The following COP1 variants were observed in gnomAD, a reference collection of about 807,000 sequenced individuals.
The protein encoded by COP1 is E3 ubiquitin-protein ligase COP1.
COP1 carries 24 observed loss-of-function variants against 101.3 expected under a neutral mutation model. That is an observed-to-expected ratio of 0.24 (90% confidence interval 0.17 to 0.33). The LOEUF (loss-of-function observed/expected upper bound fraction) is 0.33. Among genes scored for constraint, COP1 ranks in the 10% least tolerant of loss-of-function variants. COP1 has a pLI of 1.00. For synonymous variants in COP1, 347 were observed against 341.9 expected (o/e 1.01, Z -0.17); for missense variants, 663 against 906.2 (o/e 0.73, Z 3.45).
At chr1:176,148,117 T>TA (rs1320740858) in intron 6 of COP1, among the ~76,000 whole-genome samples, 2 of 152,082 alleles carry the variant, frequency 1.3e-5, no homozygotes, top group Non-Finnish European at 2.9e-5. Context: ...CTTAAATTTA[T>TA]AACAGATGTT....
intron 8 of COP1, among the ~76,000 whole-genome samples, chr1:176,122,782 G>C (rs1191538716): frequency 1.3e-5 from 2 of 152,150 alleles, no homozygotes; most frequent in African/African-American, 4.8e-5. Flanking sequence ...CAGCTCATTT[G>C]AAAGTTTTTT....
intron 5 of COP1, among the ~76,000 whole-genome samples, chr1:176,155,411 ACAAACT>A (rs1372315787): frequency 6.6e-6 from 1 of 152,050 alleles, no homozygotes; most frequent in African/African-American, 2.4e-5. Flanking sequence ...GAAAGGAATA[ACAAACT>A]CAAACACAGT....
chr1:175,996,504 G>A (rs542939757), intron 15 of COP1, among the ~76,000 whole-genome samples: 119 of 151,954 alleles, frequency 7.8e-4, no homozygotes, highest in African/African-American at 2.8e-3. Context: ...AAACCCCATC[G>A]TCTCAGCCCA....
At chr1:176,139,319 T>G (rs1214878935) in intron 6 of COP1, among the ~76,000 whole-genome samples, 2 of 149,130 alleles carry the variant, frequency 1.3e-5, no homozygotes, top group East Asian at 1.9e-4. Flanking sequence ...GAGATGCTGG[T>G]GAGGCTGCAG....
chr1:176,134,981 C>A (rs1689562992), intron 8 of COP1, 29 bp downstream of exon 8: 1 of 1,536,678 alleles, frequency 6.5e-7, no homozygotes, highest in African/African-American at 1.4e-5. Context: ...AATATGAATT[C>A]TAATCAATTG....
chr1:176,121,526 T>C lies in COP1; in HGVS notation c.969-4845A>G, dbSNP rs545313555. ...CTTTAAATGTCGTTTTTTATTTTTATGTTTTTAGAGGTACGATCTCACTCT... is the reference window on the plus strand; with the variant it reads ...CTTTAAATGTCGTTTTTTATTTTTACGTTTTTAGAGGTACGATCTCACTCT... On this transcript the variant is annotated intron_variant, in intron 8 of 19. Transcript: ENST00000367669. Among the ~76,000 whole-genome samples the C allele has an allele frequency of 1.8e-4, 27 of 152,192 alleles. 1 individual carries two copies. Among genetic ancestry groups the C allele is most frequent in the Non-Finnish European group, 5.9e-5 (4 of 68,024 alleles).
At chr1:176,010,797 G>A (rs1014982714) in intron 15 of COP1, among the ~76,000 whole-genome samples, 3 of 151,980 alleles carry the variant, frequency 2.0e-5, no homozygotes, top group East Asian at 1.9e-4. Context: ...GTCAAATGTC[G>A]GTAACAAAAA....
At chr1:175,964,876 T>A (rs1245381619) in intron 18 of COP1, among the ~76,000 whole-genome samples, 1 of 152,224 alleles carries the variant, frequency 6.6e-6, no homozygotes, top group Non-Finnish European at 1.5e-5. Flanking sequence ...ATCTGTTAAT[T>A]CCTTAATATT....
intron 11 of COP1, among the ~76,000 whole-genome samples, chr1:176,065,708 T>G (rs868406625): frequency 0.017 from 2,459 of 145,844 alleles, 94 homozygotes; most frequent in Admixed American, 0.048. Flanking sequence ...ATAATGATTT[T>G]TTTTTTTTTT....
intron 9 of COP1, among the ~76,000 whole-genome samples, chr1:176,102,216 C>T (rs1330501853): frequency 6.6e-6 from 1 of 152,130 alleles, no homozygotes; most frequent in Non-Finnish European, 1.5e-5. Context: ...AGGCAAGAAA[C>T]CTGCTAGCAG....
intron 15 of COP1, among the ~76,000 whole-genome samples, chr1:176,005,631 G>C (rs1036254171): frequency 1.3e-5 from 2 of 152,168 alleles, no homozygotes; most frequent in African/African-American, 4.8e-5. Context: ...TTCAGGAGCA[G>C]GTTGTTCAGT....
chr1:176,169,945 C>A (rs1008207362), intron 3 of COP1, among the ~76,000 whole-genome samples: 2 of 152,208 alleles, frequency 1.3e-5, no homozygotes, highest in African/African-American at 2.4e-5. Context: ...ATTCTAAATT[C>A]TTTGATGTCA....
At chr1:176,058,754 TAAA>T (rs1171809329) in intron 11 of COP1, among the ~76,000 whole-genome samples, 1 of 88,328 alleles carries the variant, frequency 1.1e-5, no homozygotes, top group Admixed American at 1.1e-4. Context: ...GAATGATCAA[TAAA>T]AAAAAAAAAA....
At chr1:176,090,727 G>T (rs1478457100) in intron 9 of COP1, among the ~76,000 whole-genome samples, 5 of 152,062 alleles carry the variant, frequency 3.3e-5, no homozygotes, top group African/African-American at 1.2e-4. Flanking sequence ...TAAAAGCCAA[G>T]AAGACAAAAA....
At chr1:176,059,297 T>C (rs1674429389) in intron 11 of COP1, among the ~76,000 whole-genome samples, 1 of 152,164 alleles carries the variant, frequency 6.6e-6, no homozygotes, top group Non-Finnish European at 1.5e-5. Flanking sequence ...AAAATTATCT[T>C]TGTATGGCAA....
intron 9 of COP1, among the ~76,000 whole-genome samples, chr1:176,088,477 A>G (rs1050964121): frequency 3.0e-4 from 46 of 152,340 alleles, no homozygotes; most frequent in African/African-American, 1.0e-3. Context: ...CCATATGTTC[A>G]TCTCGGTATT....
chr1:176,152,683 C>T (rs1692812368), intron 5 of COP1, among the ~76,000 whole-genome samples: 1 of 152,086 alleles, frequency 6.6e-6, no homozygotes, highest in Admixed American at 6.6e-5. Context: ...CCTAAGTGAT[C>T]TGCCTTCCTG....
chr1:176,042,680 G>A (rs1344602494), intron 14 of COP1, among the ~76,000 whole-genome samples: 1 of 143,022 alleles, frequency 7.0e-6, no homozygotes, highest in East Asian at 2.1e-4. Context: ...GCAGTGAGCC[G>A]AGACTGCGCC....
Position 176,162,944 on chromosome 1 carries a change from G to C in COP1, c.687C>G (p.Asp229Glu). 1.2e-6 allele frequency: 2 copies of C among 1,609,462 alleles called. No individual in the cohort carries two copies. Among genetic ancestry groups the C allele is most frequent in the Non-Finnish European group, 1.7e-6 (2 of 1,177,864 alleles). Residue 229 changes from aspartate to glutamate, a missense_variant, in exon 5 of 20, where the codon GAC becomes GAG. Asp to Glu is a conservative substitution (Grantham distance 45). This residue lies in a region of COP1 where 212 missense variants were observed against 240.7 expected (regional missense o/e 0.88). Coordinates refer to ENST00000367669, the MANE Select transcript of COP1 (RefSeq NM_022457.7). ...WQIFQDWLGT[D>E]QDNLDLANVN... Reference sequence around the variant, plus strand: ...CATTGGCCAAATCAAGGTTATCTTGGTCAGTTCCCAACCAATCTTGAAATA... The same window carrying C: ...CATTGGCCAAATCAAGGTTATCTTGCTCAGTTCCCAACCAATCTTGAAATA...
Sources: gnomAD v4.1 joint callset for allele counts (sites outside exome capture counted in the v4.1 genomes callset) on GRCh38, gnomAD v4.1.1 for gene constraint, gnomAD v4.1.1 regional missense constraint, MANE v1.5 for transcripts, NCBI Gene and HGNC (gene_info 2026-07-23, HGNC 2026-07-21) for gene names.